REEP1: variants seen among roughly 807,000 people sequenced by gnomAD.
REEP1 encodes receptor expression-enhancing protein 1.
In REEP1, 22 loss-of-function variants were observed where a neutral mutation model predicts 40.3. That is an observed-to-expected ratio of 0.55 (90% confidence interval 0.39 to 0.78). The LOEUF is 0.78. Ranked by LOEUF, REEP1 falls within the 30% of genes least tolerant of loss-of-function variation. The pLI is 0.00. For synonymous variants in REEP1, 116 were observed against 139.2 expected (o/e 0.83, Z 1.17); for missense variants, 280 against 361.1 (o/e 0.78, Z 1.82).
chr2:86,239,705 T>C (rs1358071058), intron 5 of REEP1, among the ~76,000 whole-genome samples: 2 of 152,158 alleles, frequency 1.3e-5, no homozygotes, highest in African/African-American at 4.8e-5. Flanking sequence ...AGAAGGAGAA[T>C]TTCTACTGCA....
At chr2:86,319,204 G>A (rs75018683) in intron 1 of REEP1, among the ~76,000 whole-genome samples, 4,582 of 152,134 alleles carry the variant, frequency 0.03, 117 homozygotes, top group East Asian at 0.07. Flanking sequence ...CTAACCTCAG[G>A]TATTCTCATT....
chr2:86,312,282 G>A (rs537492727), intron 1 of REEP1, among the ~76,000 whole-genome samples: 4 of 152,272 alleles, frequency 2.6e-5, no homozygotes, highest in Admixed American at 1.3e-4. Context: ...CATACTGGCT[G>A]CAGAAGGGAA....
At chr2:86,234,114 C>T (rs888720249) in intron 5 of REEP1, among the ~76,000 whole-genome samples, 7 of 151,698 alleles carry the variant, frequency 4.6e-5, no homozygotes, top group Non-Finnish European at 5.9e-5. Flanking sequence ...ACCAACAAAG[C>T]ACAGCAATTC....
At chr2:86,287,177 C>T (rs948370810) in intron 1 of REEP1, among the ~76,000 whole-genome samples, 3 of 152,194 alleles carry the variant, frequency 2.0e-5, no homozygotes, top group Admixed American at 6.5e-5. Context: ...CAACCTCTGC[C>T]TCCCAGGTTC....
intron 8 of REEP1, among the ~76,000 whole-genome samples, chr2:86,217,338 T>C (rs1020490329): frequency 3.9e-4 from 59 of 152,210 alleles, no homozygotes; most frequent in Admixed American, 3.0e-3. Flanking sequence ...CCCTCTTAAA[T>C]TATGCTCCTC....
intron 2 of REEP1, chr2:86,280,007 G>A (rs759333987): frequency 6.4e-5 from 29 of 456,342 alleles, no homozygotes; most frequent in South Asian, 4.5e-4. Context: ...TGGCAGCAGA[G>A]AAGGACGACA....
intron 7 of REEP1, among the ~76,000 whole-genome samples, chr2:86,222,478 C>G (rs1674483285): frequency 6.6e-6 from 1 of 152,206 alleles, no homozygotes; most frequent in Non-Finnish European, 1.5e-5. Flanking sequence ...AGAGTGTTGT[C>G]TATAATATTT....
chr2:86,258,431 A>G (rs1676685750), intron 3 of REEP1, among the ~76,000 whole-genome samples: 1 of 152,226 alleles, frequency 6.6e-6, no homozygotes, highest in African/African-American at 2.4e-5. Context: ...AACATTTACT[A>G]TCTGGCCCTT....
chr2:86,254,902 G>T (rs545021231), intron 3 of REEP1, 88 bp from the exon 4 acceptor site: 1 of 1,451,686 alleles, frequency 6.9e-7, no homozygotes, highest in Non-Finnish European at 9.5e-7. Context: ...TGGCAAGGAC[G>T]CCTCTCCTGC....
chr2:86,273,542 T>G (rs1677581152), intron 2 of REEP1, among the ~76,000 whole-genome samples: 1 of 151,958 alleles, frequency 6.6e-6, no homozygotes, highest in Non-Finnish European at 1.5e-5. Flanking sequence ...TGCCTCAGTC[T>G]CCCAAAGTGC....
chr2:86,337,545 C>T lies in REEP1; in HGVS notation c.-35G>A. Reference sequence around the variant, plus strand: ...GCGGGCGGGCGAGGCCCGGGCGGCGCGGCTCGGCTAGGCTGCGGGCGGCGC... The same window carrying T: ...GCGGGCGGGCGAGGCCCGGGCGGCGTGGCTCGGCTAGGCTGCGGGCGGCGC... On this transcript the variant is annotated 5_prime_UTR_variant, in exon 1 of 9. Transcript: ENST00000538924. This position sits in a 1 kb window ranked among gnomAD's most constrained non-coding sequence, Gnocchi z 5.8. The T allele has an allele frequency of 8.2e-7, 1 of 1,222,278 alleles. No individual in the cohort carries two copies. Among genetic ancestry groups the T allele is most frequent in the Non-Finnish European group, 1.0e-6 (1 of 987,874 alleles). 75.7% of individuals were successfully genotyped at this position (1,222,278 alleles called of 1,614,324 possible).
chr2:86,278,205 G>A (rs903503241), intron 2 of REEP1, among the ~76,000 whole-genome samples: 10 of 152,280 alleles, frequency 6.6e-5, no homozygotes, highest in South Asian at 2.1e-4. Context: ...CCAGTTGCAT[G>A]AATATGGACT....
intron 7 of REEP1, among the ~76,000 whole-genome samples, chr2:86,225,655 G>A (rs138002145): frequency 3.3e-5 from 5 of 152,366 alleles, no homozygotes; most frequent in Non-Finnish European, 5.9e-5. Context: ...AACAGGACAC[G>A]TCACATAATG....
intron 2 of REEP1, among the ~76,000 whole-genome samples, chr2:86,266,340 C>T (rs1677130006): frequency 6.6e-6 from 1 of 152,242 alleles, no homozygotes; most frequent in African/African-American, 2.4e-5. Context: ...ACCAAAAGGG[C>T]CGGGCGCGGT....
At chr2:86,286,851 G>A (rs928700806) in intron 1 of REEP1, among the ~76,000 whole-genome samples, 1 of 152,144 alleles carries the variant, frequency 6.6e-6, no homozygotes. Context: ...GCACCAACAT[G>A]TCCCAATCCC....
At chr2:86,338,072 T>G, upstream of REEP1, 2 of 1,537,262 alleles carry the variant, frequency 1.3e-6, no homozygotes, top group Middle Eastern at 1.7e-4. Context: ...CAGCACTTTC[T>G]GCATAAGAAA....
intron 1 of REEP1, among the ~76,000 whole-genome samples, chr2:86,328,120 G>A (rs1397265483): frequency 6.6e-6 from 1 of 152,186 alleles, no homozygotes; most frequent in Non-Finnish European, 1.5e-5. Flanking sequence ...TCCCTCAGGA[G>A]GGGCACGTGT....
At chr2:86,326,712 C>A (rs1573059010) in intron 1 of REEP1, among the ~76,000 whole-genome samples, 1 of 149,598 alleles carries the variant, frequency 6.7e-6, no homozygotes, top group Non-Finnish European at 1.5e-5. Flanking sequence ...AACTCCATCT[C>A]AAAAAAAAAA....
intron 2 of REEP1, among the ~76,000 whole-genome samples, chr2:86,270,634 A>T (rs1558903591): frequency 6.6e-6 from 1 of 152,262 alleles, no homozygotes; most frequent in Non-Finnish European, 1.5e-5. Flanking sequence ...ATTCAAAAGC[A>T]CAATATCTGA....
Sources: gnomAD v4.1 joint callset for allele counts (sites outside exome capture counted in the v4.1 genomes callset) on GRCh38, gnomAD v4.1.1 for gene constraint, Gnocchi (gnomAD v3.1) non-coding constraint, MANE v1.5 for transcripts, NCBI Gene and HGNC (gene_info 2026-07-23, HGNC 2026-07-21) for gene names.